Variants in COL17A1 observed in about 807,000 individuals in gnomAD.
COL17A1 encodes collagen alpha-1(XVII) chain.
Under a neutral mutation model 218.4 loss-of-function variants are expected in COL17A1, and 181 were observed. The ratio of observed to expected loss-of-function variants is 0.83; its 90% CI spans 0.73 to 0.94. The LOEUF (loss-of-function observed/expected upper bound fraction) is 0.94, where lower values mean the gene tolerates loss of function less well. Ranked by LOEUF, COL17A1 falls within the 40% of genes least tolerant of loss-of-function variation. The pLI, the probability that COL17A1 is intolerant of heterozygous loss-of-function variation, is 0.00. For missense variants in COL17A1, 1,924 were observed against 1,945.9 expected (o/e 0.99, Z 0.21); for synonymous variants, 721 against 731.0 (o/e 0.99, Z 0.22).
Position 104,070,378 on chromosome 10 carries a change from G to T in COL17A1, c.607+48C>A, listed in dbSNP as rs769239418. The T allele has an allele frequency of 7.4e-6, 12 of 1,611,408 alleles. No individual in the cohort carries two copies. The Admixed American group carries it at 2.0e-4, about 27-fold the overall frequency. Reference sequence around the variant, plus strand: ...GAGTCCACTCTTTGGGTTTGGATGGGTAAGTTTGTTTCTCACACTCCTCGG... The same window carrying T: ...GAGTCCACTCTTTGGGTTTGGATGGTTAAGTTTGTTTCTCACACTCCTCGG... On this transcript the variant is annotated intron_variant, in intron 9 of 55. Coordinates refer to ENST00000648076, the MANE Select transcript of COL17A1 (RefSeq NM_000494.4).
In COL17A1 at chr10:104,039,052, G is replaced by T. The variant is rs2086331216; in HGVS notation, c.2947+19C>A. On this transcript the variant is annotated intron_variant, in intron 44 of 55. Coordinates refer to ENST00000648076, the MANE Select transcript of COL17A1 (RefSeq NM_000494.4). ...ACCAGAAGAAGTGGAGAGGAACTTT[G>T]GTCACTTTCAGTTCTTACCTTCAGA... 1 of 1,612,664 alleles carries T rather than the reference G, an allele frequency of 6.2e-7. No individual in the cohort carries two copies. Among genetic ancestry groups the T allele is most frequent in the Non-Finnish European group, 8.5e-7 (1 of 1,178,834 alleles).
chr10:104,056,410 A>G (rs576033896), intron 17 of COL17A1, among the ~76,000 whole-genome samples: 142 of 152,122 alleles, frequency 9.3e-4, no homozygotes, highest in African/African-American at 3.1e-3. Flanking sequence ...GTGAAACCCC[A>G]TCTCTACTAA....
At position 104,038,539 on chromosome 10, in the gene COL17A1, G is replaced by C. The variant is rs764739993; in HGVS notation, c.2948-11C>G. The stretch of plus-strand genomic sequence containing the variant: ...TACTTGATGATCCCCCTGCAGCAAA[G>C]AGAAAGCGTCCTGTGTCGGTTTCTC... On this transcript the variant is annotated splice_polypyrimidine_tract_variant and intron_variant, in intron 44 of 55. Transcript: ENST00000648076. 8.3e-5 allele frequency: 134 copies of C among 1,610,190 alleles called. No individual in the cohort carries two copies. The highest frequency in any genetic ancestry group is 1.1e-4 in the Non-Finnish European group (130 of 1,179,950).
At chr10:104,067,580 G>T (rs1029680783) in intron 9 of COL17A1, among the ~76,000 whole-genome samples, 1 of 152,180 alleles carries the variant, frequency 6.6e-6, no homozygotes, top group African/African-American at 2.4e-5. Context: ...ACAGAGGGGA[G>T]CCACGGCATG....
intron 33 of COL17A1, among the ~76,000 whole-genome samples, chr10:104,045,339 T>A (rs805716): frequency 0.72 from 109,818 of 152,102 alleles, 41,359 homozygotes; most frequent in East Asian, 0.84. Flanking sequence ...CTGATATGAA[T>A]GATAAGGGCA....
intron 53 of COL17A1, 112 bp downstream of exon 53, chr10:104,033,126 C>G: frequency 6.6e-7 from 1 of 1,523,808 alleles, no homozygotes; most frequent in South Asian, 1.2e-5. Flanking sequence ...TAATTTTGAG[C>G]ATCTCAAATG....
chr10:104,069,554 C>T (rs995933349), intron 9 of COL17A1, among the ~76,000 whole-genome samples: 1 of 152,162 alleles, frequency 6.6e-6, no homozygotes, highest in African/African-American at 2.4e-5. Flanking sequence ...AGGATTAGAA[C>T]AGCCCCAAGC....
chr10:104,053,108 C>A lies in COL17A1; in HGVS notation c.1862G>T (p.Gly621Val). 6.2e-7 allele frequency: 1 copy of A among 1,613,704 alleles called. No homozygotes were observed. Among genetic ancestry groups the A allele is most frequent in the Non-Finnish European group, 8.5e-7 (1 of 1,180,026 alleles). ...CATGGGGCCTTCTCGCCCTCTCTGG[C>A]CCATGGGGCCTTCCATGCCAGGATC... ...VGDPGMEGPM[G>V]QRGREGPMGP... The change falls in exon 23 of 56, where the codon GGC (glycine) becomes GTC (valine). Residue 621 changes from glycine to valine, a missense_variant. By Grantham distance (109) the Gly-to-Val change is moderately radical. Coordinates refer to ENST00000648076, the MANE Select transcript of COL17A1 (RefSeq NM_000494.4).
At chr10:104,066,221 A>G (rs2086624906) in intron 9 of COL17A1, among the ~76,000 whole-genome samples, 1 of 152,236 alleles carries the variant, frequency 6.6e-6, no homozygotes. Context: ...AAATGCACCA[A>G]GACAACCCTA....
intron 14 of COL17A1, 55 bp from the exon 15 acceptor site, chr10:104,059,773 T>C: frequency 6.4e-7 from 1 of 1,556,408 alleles, no homozygotes; most frequent in Non-Finnish European, 8.9e-7. Context: ...CTCTCAACTC[T>C]GTCCTGTGTT....
chr10:104,059,369 G>A, intron 15 of COL17A1: 1 of 514,620 alleles, frequency 1.9e-6, no homozygotes, highest in African/African-American at 1.9e-5. Context: ...AAAGTAAAAT[G>A]AGAAAACAAA....
intron 28 of COL17A1, 72 bp from the exon 29 acceptor site, chr10:104,049,543 C>T: frequency 2.6e-6 from 4 of 1,520,196 alleles, no homozygotes; most frequent in Non-Finnish European, 2.7e-6. Context: ...TGGTCTGCTC[C>T]CTCCTCCAAG....
Position 104,039,608 on chromosome 10 carries a change from C to T in COL17A1, c.2821G>A (p.Gly941Arg). The part of the protein sequence containing the change: ...EQGLPGFSTS[G>R]SSSFGLNLQG... The stretch of plus-strand genomic sequence containing the variant: ...GAATGGGGCGGGGTTCAGCCCTTAC[C>T]TGAGGTTGAGAAACCTGGGAGGCCT... Residue 941 changes from glycine to arginine, a missense_variant and splice_region_variant, in exon 42 of 56, where the codon GGG becomes AGG. Physicochemically the swap from Gly to Arg is moderately radical, Grantham distance 125 (BLOSUM62 -2). Coordinates refer to ENST00000648076, the MANE Select transcript of COL17A1 (RefSeq NM_000494.4). The T allele has an allele frequency of 6.2e-7, 1 of 1,614,186 alleles. No homozygotes were observed. Among genetic ancestry groups the T allele is most frequent in the Non-Finnish European group, 8.5e-7 (1 of 1,180,032 alleles).
chr10:104,049,035 C>T (rs911457356), intron 29 of COL17A1, among the ~76,000 whole-genome samples: 5 of 152,122 alleles, frequency 3.3e-5, no homozygotes, highest in African/African-American at 1.2e-4. Context: ...TGACAGGCAC[C>T]TCAGGTGAAC....
chr10:104,074,104 C>T, intron 6 of COL17A1, 80 bp downstream of exon 6: 1 of 1,607,322 alleles, frequency 6.2e-7, no homozygotes, highest in Non-Finnish European at 8.5e-7. Context: ...AGGTCCCCTA[C>T]TCCCACCACT....
chr10:104,050,245 C>G (rs1478782512), intron 27 of COL17A1, 121 bp from the exon 28 acceptor site: 13 of 1,430,126 alleles, frequency 9.1e-6, no homozygotes, highest in African/African-American at 1.4e-5. Context: ...CTCCTGTCAG[C>G]GGATGTTGGT....
At chr10:104,033,799 G>T in intron 52 of COL17A1, 146 bp downstream of exon 52, 1 of 1,273,142 alleles carries the variant, frequency 7.9e-7, no homozygotes, top group Admixed American at 1.9e-5. Flanking sequence ...TAGGCTGAGA[G>T]CTAGGCTGGG....
chr10:104,048,710 G>C (rs528790702), intron 29 of COL17A1, among the ~76,000 whole-genome samples: 25 of 152,326 alleles, frequency 1.6e-4, no homozygotes, highest in Non-Finnish European at 3.2e-4. Context: ...GGGAGGTAAA[G>C]CATCTCATTT....
intron 25 of COL17A1, among the ~76,000 whole-genome samples, 159 bp from the exon 26 acceptor site, chr10:104,051,060 T>C (rs945870227): frequency 1.3e-5 from 2 of 152,224 alleles, no homozygotes; most frequent in Admixed American, 1.3e-4. Flanking sequence ...CAAGTCCTTT[T>C]TAAGTCATTT....
Sources: gnomAD v4.1 joint callset for allele counts (sites outside exome capture counted in the v4.1 genomes callset) on GRCh38, gnomAD v4.1.1 for gene constraint, MANE v1.5 for transcripts, NCBI Gene and HGNC (gene_info 2026-07-23, HGNC 2026-07-21) for gene names.